The following OPRM1 variants were observed in gnomAD, a reference collection of about 807,000 sequenced individuals.
The protein encoded by OPRM1 is mu-type opioid receptor.
OPRM1 carries 27 observed loss-of-function variants against 31.8 expected under a neutral mutation model. That is an observed-to-expected ratio of 0.85 (90% CI 0.63 to 1.17). The LOEUF is 1.17. OPRM1 is among the 50% of genes most tolerant of loss of function. The probability of loss-of-function intolerance (pLI) is 0.00; values close to 1 mark genes in which losing one functional copy is unlikely to be tolerated. For synonymous variants in OPRM1, 196 were observed against 189.9 expected, an observed-to-expected ratio of 1.03 and a Z score of -0.26; for missense variants, 536 against 511.1, an observed-to-expected ratio of 1.05 and a Z score of -0.47.
At chr6:154,042,940 TCAAAA>T (rs891738012) in intron 1 of OPRM1, among the ~76,000 whole-genome samples, 38 of 151,796 alleles carry the variant, frequency 2.5e-4, no homozygotes, top group African/African-American at 8.7e-4. Flanking sequence ...AGAAAAAAAA[TCAAAA>T]CAAAAAGTAA....
Position 154,126,887 on chromosome 6 carries a change from G to A in OPRM1, c.*8166G>A, listed in dbSNP as rs370698095. On this transcript the variant is annotated 3_prime_UTR_variant, in exon 4 of 4. Coordinates refer to ENST00000330432, the MANE Select transcript of OPRM1 (RefSeq NM_000914.5). ...AGCACTTTGGGAGGCCGAGGCGGGC[G>A]GAACACAAGGTCAGGAGATCAAGAC... 5.7e-4 allele frequency among the ~76,000 whole-genome samples: 87 copies of A among 152,210 alleles called. No individual in the cohort carries two copies. Among genetic ancestry groups the A allele is most frequent in the African/African-American group, 2.0e-3 (83 of 41,544 alleles).
Position 154,123,978 on chromosome 6 carries a change from T to A in OPRM1, c.*5257T>A, listed in dbSNP as rs941906845. Among the ~76,000 whole-genome samples, 1 of 152,166 alleles carries A rather than the reference T, an allele frequency of 6.6e-6. No homozygotes were observed. Among genetic ancestry groups the A allele is most frequent in the Non-Finnish European group, 1.5e-5 (1 of 68,024 alleles). On this transcript the variant is annotated 3_prime_UTR_variant, in exon 4 of 4. Transcript: ENST00000330432. ...CTTGGAATGCCTAACCTCCTGGGAATGCAGCCCAGTAGGTCTCAGCCTTAT... is the reference window on the plus strand; with the variant it reads ...CTTGGAATGCCTAACCTCCTGGGAAAGCAGCCCAGTAGGTCTCAGCCTTAT...
At chr6:154,093,635 C>T (rs1460719569) in intron 3 of OPRM1, 7 of 1,095,866 alleles carry the variant, frequency 6.4e-6, no homozygotes, top group Non-Finnish European at 8.8e-6. Flanking sequence ...ATCGCTGCCT[C>T]TATGAAGCAG....
intron 3 of OPRM1, among the ~76,000 whole-genome samples, chr6:154,112,463 G>T (rs981730519): frequency 6.6e-6 from 1 of 152,194 alleles, no homozygotes; most frequent in Non-Finnish European, 1.5e-5. Flanking sequence ...CATACAATGA[G>T]TTGCACAGCA....
chr6:154,208,628 T>C (rs925597224), intron 3 of OPRM1, among the ~76,000 whole-genome samples: 5 of 152,250 alleles, frequency 3.3e-5, no homozygotes, highest in Admixed American at 2.0e-4. Context: ...ACTTCTTGAA[T>C]GAATGAATAT....
At chr6:154,096,426 A>C (rs1185875138) in intron 3 of OPRM1, among the ~76,000 whole-genome samples, 1 of 152,118 alleles carries the variant, frequency 6.6e-6, no homozygotes, top group Non-Finnish European at 1.5e-5. Flanking sequence ...ATGGGGAAAA[A>C]AGCAACACTG....
intron 3 of OPRM1, among the ~76,000 whole-genome samples, chr6:154,137,780 A>C (rs1370604448): frequency 1.3e-5 from 2 of 152,224 alleles, no homozygotes; most frequent in Non-Finnish European, 2.9e-5. Flanking sequence ...TTCACAGGTA[A>C]AATAGAAGTA....
At chr6:154,117,903 A>G (rs1266518297) in intron 3 of OPRM1, among the ~76,000 whole-genome samples, 4 of 111,232 alleles carry the variant, frequency 3.6e-5, no homozygotes, top group Non-Finnish European at 4.0e-5. Context: ...GAGAGAAAAA[A>G]AGAGAGAAAA....
chr6:154,019,922 T>C (rs1021170715), intron 1 of OPRM1, among the ~76,000 whole-genome samples: 2 of 151,926 alleles, frequency 1.3e-5, no homozygotes, highest in African/African-American at 4.8e-5. Context: ...TTTGTAGAGA[T>C]GGGTTTTCAC....
chr6:154,084,211 C>A (rs954302111), intron 1 of OPRM1, among the ~76,000 whole-genome samples: 1 of 152,136 alleles, frequency 6.6e-6, no homozygotes, highest in East Asian at 1.9e-4. Context: ...ATAACGTCAC[C>A]TTGAAATAAA....
chr6:154,115,357 T>A (rs618641), intron 3 of OPRM1, among the ~76,000 whole-genome samples: 99,698 of 151,736 alleles, frequency 0.66, 33,189 homozygotes, highest in East Asian at 0.9. Context: ...CTGGGCAACA[T>A]CGTGAAACCC....
chr6:154,023,952 T>G (rs2128383465), intron 1 of OPRM1, among the ~76,000 whole-genome samples: 1 of 152,250 alleles, frequency 6.6e-6, no homozygotes, highest in Non-Finnish European at 1.5e-5. Flanking sequence ...TGGTATTTTC[T>G]TGAGGATTTT....
downstream of OPRM1, among the ~76,000 whole-genome samples, chr6:154,136,896 G>A (rs1186647687): frequency 1.3e-5 from 2 of 152,046 alleles, no homozygotes; most frequent in Non-Finnish European, 2.9e-5. Context: ...TGCTATTTGG[G>A]GATATAAAGT....
intron 3 of OPRM1, among the ~76,000 whole-genome samples, chr6:154,152,373 A>AAAG (rs1798555895): frequency 6.7e-6 from 1 of 150,208 alleles, no homozygotes. Context: ...AGAAAGAAAG[A>AAAG]AAGAAAGAAA....
rs1317107589 is a variant in OPRM1, at chr6:154,168,447, A to T, written c.1164+76975A>T. On this transcript the variant is annotated intron_variant, in intron 3 of 3. Transcript: ENST00000337049. The surrounding 1 kb of genome is among the most constrained non-coding windows in gnomAD (Gnocchi z 4.1). ...ATGTCTCTGTGTCCAAACTCCCCCTATTTATGAGGGTATCAGTCATGTTGG... is the reference window on the plus strand; with the variant it reads ...ATGTCTCTGTGTCCAAACTCCCCCTTTTTATGAGGGTATCAGTCATGTTGG... Among the ~76,000 whole-genome samples, 1 of 152,014 alleles carries T rather than the reference A, an allele frequency of 6.6e-6. No individual in the cohort carries two copies. Among genetic ancestry groups the T allele is most frequent in the African/African-American group, 2.4e-5 (1 of 41,392 alleles).
chr6:154,152,347 G>GGAAAGAAAGAAAGAAAGAAAGAAA (rs71021028), intron 3 of OPRM1, among the ~76,000 whole-genome samples: 245 of 65,090 alleles, frequency 3.8e-3, no homozygotes, highest in Middle Eastern at 6.4e-3. Flanking sequence ...AAGAAAGAAA[G>GGAAAGAAAGAAAGAAAGAAAGAAA]GAAAGAAAGA....
chr6:154,050,431 G>A (rs1482633934), intron 1 of OPRM1, among the ~76,000 whole-genome samples: 1 of 152,136 alleles, frequency 6.6e-6, no homozygotes, highest in African/African-American at 2.4e-5. Flanking sequence ...AAAAGAATGA[G>A]ATCCACTCAT....
At chr6:154,085,504 A>G (rs1216616076) in intron 1 of OPRM1, among the ~76,000 whole-genome samples, 1 of 152,238 alleles carries the variant, frequency 6.6e-6, no homozygotes, top group Non-Finnish European at 1.5e-5. Flanking sequence ...GGATAATTAG[A>G]AAGAAATAGC....
At chr6:154,223,078 C>A in intron 3 of OPRM1, 1 of 987,030 alleles carries the variant, frequency 1.0e-6, no homozygotes, top group Non-Finnish European at 1.6e-6. Flanking sequence ...ATGTTACCTT[C>A]ACTCACTTCT....
Sources: allele counts gnomAD v4.1 joint callset (sites outside exome capture counted in the v4.1 genomes callset), GRCh38; gene constraint gnomAD v4.1.1; non-coding constraint Gnocchi (gnomAD v3.1); transcripts MANE v1.5; gene names NCBI Gene and HGNC (gene_info 2026-07-23, HGNC 2026-07-21).